SLC4A4: variants seen among roughly 807,000 people sequenced by gnomAD.
The protein encoded by SLC4A4 is electrogenic sodium bicarbonate cotransporter 1.
In SLC4A4, 27 loss-of-function variants were observed where a neutral mutation model predicts 111.5. That is an observed-to-expected ratio of 0.24 (90% CI 0.18 to 0.33). The LOEUF (loss-of-function observed/expected upper bound fraction) is 0.33. Among genes scored for constraint, SLC4A4 ranks in the 10% least tolerant of loss-of-function variants. The probability of loss-of-function intolerance (pLI) is 1.00; values close to 1 mark genes in which losing one functional copy is unlikely to be tolerated. For synonymous variants in SLC4A4, 443 were observed against 463.4 expected, an observed-to-expected ratio of 0.96 and a Z score of 0.57; for missense variants, 909 against 1,315.5, an observed-to-expected ratio of 0.69 and a Z score of 4.78.
At chr4:71,178,731 A>C (rs1745181178) in intron 2 of SLC4A4, among the ~76,000 whole-genome samples, 1 of 152,268 alleles carries the variant, frequency 6.6e-6, no homozygotes, top group South Asian at 2.1e-4. Context: ...CCAACCAAAA[A>C]AGTCCAGGAC....
At chr4:71,419,600 C>T (rs767651561) in intron 7 of SLC4A4, among the ~76,000 whole-genome samples, 8 of 152,256 alleles carry the variant, frequency 5.3e-5, no homozygotes, top group Non-Finnish European at 8.8e-5. Context: ...CTGTCTGTCA[C>T]TCCTTTCTTT....
intron 24 of SLC4A4, among the ~76,000 whole-genome samples, chr4:71,565,978 G>A (rs1403408662): frequency 2.0e-5 from 3 of 151,728 alleles, no homozygotes; most frequent in South Asian, 2.1e-4. Context: ...CAGAAGTAAC[G>A]GACCATTACT....
At chr4:71,547,595 A>AGCATGT (rs1339709106) in intron 19 of SLC4A4, 53 bp from the exon 20 acceptor site, 10 of 1,413,318 alleles carry the variant, frequency 7.1e-6, no homozygotes, top group Non-Finnish European at 1.0e-5. Context: ...AAAAGACAAG[A>AGCATGT]GCATGTTTAT....
chr4:71,198,618 G>T (rs369589217), intron 1 of SLC4A4, among the ~76,000 whole-genome samples: 1 of 164 alleles, frequency 6.1e-3, no homozygotes, highest in Non-Finnish European at 0.019. Context: ...GCCTGTAATG[G>T]TCATGAACAC....
At chr4:71,429,174 A>T (rs1258967752) in intron 7 of SLC4A4, among the ~76,000 whole-genome samples, 1 of 152,146 alleles carries the variant, frequency 6.6e-6, no homozygotes, top group Non-Finnish European at 1.5e-5. Flanking sequence ...TAATGATATG[A>T]TTATCCCACC....
chr4:71,098,635 C>A (rs76755155), intron 2 of SLC4A4, among the ~76,000 whole-genome samples: 2 of 151,940 alleles, frequency 1.3e-5, no homozygotes, highest in Non-Finnish European at 2.9e-5. Context: ...TGAATATGAA[C>A]GCATTAAATG....
intron 7 of SLC4A4, among the ~76,000 whole-genome samples, chr4:71,410,732 T>C (rs537996876): frequency 1.3e-5 from 2 of 152,256 alleles, no homozygotes; most frequent in South Asian, 4.1e-4. Context: ...AATAGAATAC[T>C]AGTGTGGTTT....
intron 4 of SLC4A4, among the ~76,000 whole-genome samples, chr4:71,342,714 T>A (rs73826255): frequency 6.6e-6 from 1 of 152,204 alleles, no homozygotes; most frequent in African/African-American, 2.4e-5. Context: ...TTTACATAAT[T>A]CCTGGTCCCA....
At chr4:71,191,343 C>T (rs1341656403) in intron 1 of SLC4A4, among the ~76,000 whole-genome samples, 1 of 152,172 alleles carries the variant, frequency 6.6e-6, no homozygotes, top group Non-Finnish European at 1.5e-5. Flanking sequence ...TCATCTTGTT[C>T]TTCTTTCCTG....
At chr4:71,498,430 T>C (rs1039921948) in intron 16 of SLC4A4, among the ~76,000 whole-genome samples, 21 of 152,280 alleles carry the variant, frequency 1.4e-4, no homozygotes, top group African/African-American at 5.1e-4. Flanking sequence ...GATGTCAGTA[T>C]TTCTTAGGCA....
chr4:71,193,962 C>T (rs553465355), intron 1 of SLC4A4, among the ~76,000 whole-genome samples: 17 of 152,052 alleles, frequency 1.1e-4, no homozygotes, highest in Non-Finnish European at 2.1e-4. Context: ...GAAACTTTAT[C>T]CCTAAAAAAT....
intron 1 of SLC4A4, among the ~76,000 whole-genome samples, chr4:71,218,546 A>C (rs1404174140): frequency 2.0e-5 from 3 of 152,180 alleles, no homozygotes; most frequent in African/African-American, 7.2e-5. Flanking sequence ...AATCCGTACA[A>C]ATCTATTTCA....
chr4:71,400,045 T>A (rs540553832), intron 7 of SLC4A4, among the ~76,000 whole-genome samples: 1 of 152,330 alleles, frequency 6.6e-6, no homozygotes, highest in African/African-American at 2.4e-5. Context: ...TACCAAGCCA[T>A]GCTGATTATT....
intron 1 of SLC4A4, among the ~76,000 whole-genome samples, chr4:71,221,794 C>T (rs1469023572): frequency 6.6e-6 from 1 of 152,120 alleles, no homozygotes; most frequent in Non-Finnish European, 1.5e-5. Context: ...CATTGCTCAG[C>T]ACCTTCACAA....
chr4:71,286,034 C>T (rs537451963), intron 3 of SLC4A4, among the ~76,000 whole-genome samples: 7 of 152,136 alleles, frequency 4.6e-5, no homozygotes, highest in African/African-American at 1.4e-4. Context: ...GTCAGAAGAT[C>T]GAGACCGTTC....
chr4:71,350,716 G>A (rs1401843123), intron 5 of SLC4A4, among the ~76,000 whole-genome samples: 1 of 152,130 alleles, frequency 6.6e-6, no homozygotes, highest in Non-Finnish European at 1.5e-5. Context: ...TAAAGAAATG[G>A]ATGTCATAGA....
At chr4:71,518,773 C>T (rs1732646224) in intron 16 of SLC4A4, among the ~76,000 whole-genome samples, 1 of 152,114 alleles carries the variant, frequency 6.6e-6, no homozygotes, top group African/African-American at 2.4e-5. Flanking sequence ...AAGACCAAGT[C>T]CCCAGAGCAG....
intron 9 of SLC4A4, among the ~76,000 whole-genome samples, chr4:71,448,046 A>G (rs1412607147): frequency 6.6e-6 from 1 of 152,180 alleles, no homozygotes; most frequent in Non-Finnish European, 1.5e-5. Context: ...TCAGCTGGGC[A>G]TGGTGGCTCA....
chr4:71,463,986 T>C (rs1035481668), intron 12 of SLC4A4, among the ~76,000 whole-genome samples: 9 of 152,184 alleles, frequency 5.9e-5, no homozygotes, highest in African/African-American at 2.2e-4. Context: ...ATAAGAAATA[T>C]CACTCTTTGC....
Sources: gnomAD v4.1 joint callset for allele counts (sites outside exome capture counted in the v4.1 genomes callset) on GRCh38, gnomAD v4.1.1 for gene constraint, MANE v1.5 for transcripts, NCBI Gene and HGNC (gene_info 2026-07-23, HGNC 2026-07-21) for gene names.